Variants in CSMD1 observed in about 807,000 individuals in gnomAD.
CSMD1 encodes CUB and Sushi multiple domains 1.
CSMD1 carries 213 observed loss-of-function variants against 417.5 expected under a neutral mutation model. The observed-to-expected ratio is 0.51, with a 90% confidence interval of 0.46 to 0.57. The LOEUF (loss-of-function observed/expected upper bound fraction) is 0.57, where lower values mean the gene tolerates loss of function less well. CSMD1 is among the 20% of genes least tolerant of loss of function. The pLI, the probability that CSMD1 is intolerant of heterozygous loss-of-function variation, is 0.00. For synonymous variants in CSMD1, 2,862 were observed against 1,736.8 expected, an observed-to-expected ratio of 1.65 and a Z score of -16.11; for missense variants, 6,923 against 4,529.7, an observed-to-expected ratio of 1.53 and a Z score of -15.17.
At chr8:3,455,712 G>C (rs1019419923) in intron 12 of CSMD1, among the ~76,000 whole-genome samples, 20 of 152,340 alleles carry the variant, frequency 1.3e-4, no homozygotes, top group South Asian at 4.1e-4. Flanking sequence ...TGAGGTGTCA[G>C]ACTGCCCCTA....
intron 3 of CSMD1, among the ~76,000 whole-genome samples, chr8:4,068,709 GA>G (rs1384438409): frequency 6.6e-6 from 1 of 152,016 alleles, no homozygotes; most frequent in African/African-American, 2.4e-5. Context: ...ATCTAGTGGG[GA>G]AAAAAGAAAT....
chr8:4,718,241 T>C (rs1168581077), intron 1 of CSMD1, among the ~76,000 whole-genome samples: 1 of 152,200 alleles, frequency 6.6e-6, no homozygotes, highest in African/African-American at 2.4e-5. Context: ...CCTCCCAAAA[T>C]GTTGGGATTA....
chr8:3,523,571 A>C (rs1024731086), intron 10 of CSMD1, among the ~76,000 whole-genome samples: 1 of 152,094 alleles, frequency 6.6e-6, no homozygotes, highest in Non-Finnish European at 1.5e-5. Flanking sequence ...AGATGCACAC[A>C]CACATGTACA....
intron 49 of CSMD1, among the ~76,000 whole-genome samples, chr8:3,074,701 G>A (rs1480074372): frequency 1.3e-5 from 2 of 152,158 alleles, no homozygotes; most frequent in Non-Finnish European, 2.9e-5. Flanking sequence ...GACATAACTG[G>A]TCATTGAAAT....
At chr8:4,816,119 C>A (rs908556454) in intron 1 of CSMD1, among the ~76,000 whole-genome samples, 1 of 152,118 alleles carries the variant, frequency 6.6e-6, no homozygotes, top group Non-Finnish European at 1.5e-5. Flanking sequence ...GATCACAGAG[C>A]ATCAGACTTC....
At chr8:3,041,262 G>C (rs1258339342) in intron 50 of CSMD1, among the ~76,000 whole-genome samples, 2 of 152,172 alleles carry the variant, frequency 1.3e-5, no homozygotes, top group African/African-American at 2.4e-5. Flanking sequence ...ATGTACTACA[G>C]AGCAAAAATA....
intron 3 of CSMD1, among the ~76,000 whole-genome samples, chr8:4,066,996 T>C (rs376610742): frequency 3.9e-5 from 6 of 152,346 alleles, no homozygotes; most frequent in South Asian, 2.1e-4. Flanking sequence ...ACTCCACAAC[T>C]GAGAAACAAG....
chr8:3,071,390 T>C (rs888435611), intron 49 of CSMD1, among the ~76,000 whole-genome samples: 1 of 151,932 alleles, frequency 6.6e-6, no homozygotes, highest in African/African-American at 2.4e-5. Context: ...TTAGGACAAA[T>C]ACCTAATGAA....
chr8:4,345,876 C>T (rs925211460), intron 3 of CSMD1, among the ~76,000 whole-genome samples: 1 of 152,108 alleles, frequency 6.6e-6, no homozygotes, highest in African/African-American at 2.4e-5. Context: ...CACTGACAGG[C>T]AGACAGGTGA....
intron 4 of CSMD1, among the ~76,000 whole-genome samples, chr8:4,019,807 G>A (rs924712348): frequency 4.0e-5 from 6 of 151,820 alleles, no homozygotes; most frequent in South Asian, 2.1e-4. Context: ...CTGCCACACA[G>A]GCCTTTCTTT....
chr8:3,965,571 A>G (rs1271972684), intron 5 of CSMD1, among the ~76,000 whole-genome samples: 2 of 152,008 alleles, frequency 1.3e-5, no homozygotes, highest in African/African-American at 4.8e-5. Flanking sequence ...TTTCAATTCC[A>G]GGCCTTAGTG....
At chr8:3,610,938 GTCAA>G (rs1253319763) in intron 8 of CSMD1, among the ~76,000 whole-genome samples, 3 of 151,954 alleles carry the variant, frequency 2.0e-5, no homozygotes, top group African/African-American at 7.3e-5. Context: ...TTTCGCACCA[GTCAA>G]GCAACAGCAC....
At chr8:2,975,952 G>C (rs1260283719) in intron 55 of CSMD1, among the ~76,000 whole-genome samples, 1 of 152,146 alleles carries the variant, frequency 6.6e-6, no homozygotes, top group Non-Finnish European at 1.5e-5. Context: ...AGCCAGTGGA[G>C]ACATAAAAGA....
At chr8:3,506,528 C>T (rs1247122420) in intron 10 of CSMD1, among the ~76,000 whole-genome samples, 1 of 152,186 alleles carries the variant, frequency 6.6e-6, no homozygotes, top group South Asian at 2.1e-4. Context: ...GCAGCAGTTA[C>T]ACAGATACTT....
rs574670043 is a variant in CSMD1, at chr8:3,752,204, T to A, written c.931+1726A>T. Among the ~76,000 whole-genome samples the A allele has an allele frequency of 2.6e-5, 4 of 151,988 alleles. 1 individual carries two copies. The highest frequency in any genetic ancestry group is 9.7e-5 in the African/African-American group (4 of 41,382). On this transcript the variant is annotated intron_variant, in intron 6 of 69. Coordinates refer to ENST00000635120, the MANE Select transcript of CSMD1 (RefSeq NM_033225.6). ...TATGGGGAGGTATGGAAAAGGAGGA[T>A]CGGCCTGGCCTGGCTCCAGGTGAAG...
At chr8:3,201,412 A>G (rs1420438088) in intron 32 of CSMD1, among the ~76,000 whole-genome samples, 200 bp downstream of exon 32, 3 of 152,334 alleles carry the variant, frequency 2.0e-5, no homozygotes, top group East Asian at 1.9e-4. Context: ...GTAAGATGAT[A>G]AAAGCACGTG....
At position 3,675,515 on chromosome 8, in the gene CSMD1, C is replaced by G. The variant is rs147576366; in HGVS notation, c.1009+32899G>C. Among the ~76,000 whole-genome samples, 35 of 152,242 alleles carry G rather than the reference C, an allele frequency of 2.3e-4. 1 individual carries two copies. The East Asian group carries it at 2.9e-3, about 13-fold the overall frequency. On this transcript the variant is annotated intron_variant, in intron 7 of 69. Transcript: ENST00000635120. ...CACCAAAATTCATATGTTGAAGCCC[C>G]AATCTCCAATGAGATGGTGTTTGGA...
intron 3 of CSMD1, among the ~76,000 whole-genome samples, chr8:4,054,708 C>T (rs745760703): frequency 2.6e-5 from 4 of 152,104 alleles, no homozygotes; most frequent in Non-Finnish European, 4.4e-5. Flanking sequence ...CCTGAGGGTG[C>T]CCAGAGGAAA....
chr8:3,194,978 C>A (rs60510687), intron 33 of CSMD1, among the ~76,000 whole-genome samples: 1 of 151,924 alleles, frequency 6.6e-6, no homozygotes, highest in Non-Finnish European at 1.5e-5. Flanking sequence ...CTGGGCACTG[C>A]GGAAGGGGTT....
Sources: allele counts gnomAD v4.1 joint callset (sites outside exome capture counted in the v4.1 genomes callset), GRCh38; gene constraint gnomAD v4.1.1; transcripts MANE v1.5; gene names NCBI Gene and HGNC (gene_info 2026-07-23, HGNC 2026-07-21).